GRM7: variants seen among roughly 807,000 people sequenced by gnomAD.
GRM7 encodes metabotropic glutamate receptor 7.
Under a neutral mutation model 84.5 loss-of-function variants are expected in GRM7, and 35 were observed. The ratio of observed to expected loss-of-function variants is 0.41; its 90% CI spans 0.32 to 0.55. The LOEUF (loss-of-function observed/expected upper bound fraction) is 0.55, where lower values mean the gene tolerates loss of function less well. Ranked by LOEUF, GRM7 falls within the 20% of genes least tolerant of loss-of-function variation. The pLI, the probability that GRM7 is intolerant of heterozygous loss-of-function variation, is 0.19. For missense variants in GRM7, 1,003 were observed against 1,194.6 expected (o/e 0.84, Z 2.36); for synonymous variants, 487 against 455.1 (o/e 1.07, Z -0.89).
At chr3:6,883,312 TTC>T (rs1461294396) in intron 1 of GRM7, among the ~76,000 whole-genome samples, 1 of 152,118 alleles carries the variant, frequency 6.6e-6, no homozygotes, top group Non-Finnish European at 1.5e-5. Context: ...AATGTAATTT[TTC>T]TTTTTTAATT....
At chr3:7,077,523 G>A (rs1453477257) in intron 1 of GRM7, among the ~76,000 whole-genome samples, 1 of 134,854 alleles carries the variant, frequency 7.4e-6, no homozygotes, top group Non-Finnish European at 1.5e-5. Context: ...GTTGAACAAT[G>A]AGAACATGTT....
intron 2 of GRM7, among the ~76,000 whole-genome samples, chr3:7,257,890 G>T (rs1346483404): frequency 6.6e-6 from 1 of 152,120 alleles, no homozygotes; most frequent in Non-Finnish European, 1.5e-5. Flanking sequence ...GAACATGGGT[G>T]ATTAGCCTCA....
chr3:7,292,378 G>A (rs910894788), intron 2 of GRM7, among the ~76,000 whole-genome samples: 2 of 152,098 alleles, frequency 1.3e-5, no homozygotes, highest in African/African-American at 4.8e-5. Flanking sequence ...TGGAGTATGT[G>A]AGGACAGATA....
intron 1 of GRM7, among the ~76,000 whole-genome samples, chr3:7,018,899 C>G (rs1695671154): frequency 6.6e-6 from 1 of 152,160 alleles, no homozygotes; most frequent in Admixed American, 6.5e-5. Flanking sequence ...GAGTTCGAGA[C>G]CAGCCTGGCC....
chr3:7,259,953 G>GTTTTGTTTTTTTTT (rs1553638861), intron 2 of GRM7, among the ~76,000 whole-genome samples: 1 of 89,668 alleles, frequency 1.1e-5, no homozygotes, highest in Admixed American at 1.3e-4. Flanking sequence ...ACCAGCATCT[G>GTTTTGTTTTTTTTT]TTTTTTTTTT....
chr3:7,648,836 G>A (rs1010341684), intron 8 of GRM7, among the ~76,000 whole-genome samples: 3 of 152,122 alleles, frequency 2.0e-5, no homozygotes, highest in Non-Finnish European at 2.9e-5. Context: ...AGGACTTGGC[G>A]AAAGTCAGAC....
intron 3 of GRM7, among the ~76,000 whole-genome samples, chr3:7,306,090 C>T (rs931146094): frequency 1.3e-5 from 2 of 152,066 alleles, no homozygotes; most frequent in East Asian, 1.9e-4. Flanking sequence ...ATAGTGTATA[C>T]CATCAGCAGT....
intron 1 of GRM7, among the ~76,000 whole-genome samples, chr3:7,061,957 C>T (rs748287917): frequency 7.9e-5 from 12 of 151,598 alleles, no homozygotes; most frequent in Non-Finnish European, 1.5e-4. Context: ...ATAAAAGGAC[C>T]TTCCAGGAGA....
chr3:6,982,869 T>C (rs1415109887), intron 1 of GRM7, among the ~76,000 whole-genome samples: 4 of 152,214 alleles, frequency 2.6e-5, no homozygotes, highest in South Asian at 4.1e-4. Context: ...AGTTAGTTTA[T>C]TCATTCTCCC....
intron 9 of GRM7, among the ~76,000 whole-genome samples, chr3:7,724,755 AT>A (rs1271412431): frequency 6.6e-6 from 1 of 151,964 alleles, no homozygotes; most frequent in African/African-American, 2.4e-5. Context: ...CCATTCCATT[AT>A]TTTTGTCTTT....
At chr3:7,417,663 G>A (rs566484628) in intron 5 of GRM7, among the ~76,000 whole-genome samples, 1 of 152,078 alleles carries the variant, frequency 6.6e-6, no homozygotes, top group Non-Finnish European at 1.5e-5. Context: ...GTAGAACATA[G>A]CCCCCTTCAC....
chr3:7,735,682 C>T (rs959122987), intron 9 of GRM7, among the ~76,000 whole-genome samples: 3 of 152,138 alleles, frequency 2.0e-5, no homozygotes, highest in South Asian at 2.1e-4. Context: ...TAACATCCCA[C>T]ATAATTATGC....
intron 2 of GRM7, among the ~76,000 whole-genome samples, chr3:7,160,697 C>T (rs113686949): frequency 1.2e-4 from 18 of 152,220 alleles, no homozygotes; most frequent in African/African-American, 4.3e-4. Flanking sequence ...AAGATTAGTT[C>T]AAGTTAAAAA....
chr3:6,927,705 A>T (rs17046378), intron 1 of GRM7, among the ~76,000 whole-genome samples: 3 of 152,162 alleles, frequency 2.0e-5, no homozygotes, highest in African/African-American at 4.8e-5. Flanking sequence ...TAATGTTAAG[A>T]TATGCTGTTT....
intron 2 of GRM7, among the ~76,000 whole-genome samples, chr3:7,159,335 A>G (rs1048765659): frequency 1.3e-5 from 2 of 152,204 alleles, no homozygotes; most frequent in Non-Finnish European, 2.9e-5. Flanking sequence ...CTCAAGATCA[A>G]TTTGCTTTAT....
At chr3:7,672,375 G>GATA (rs1299989924) in intron 8 of GRM7, among the ~76,000 whole-genome samples, 1 of 152,140 alleles carries the variant, frequency 6.6e-6, no homozygotes, top group African/African-American at 2.4e-5. Context: ...ACATCTGTCA[G>GATA]ATAATAATGT....
intron 1 of GRM7, among the ~76,000 whole-genome samples, chr3:6,945,962 C>T (rs1343775342): frequency 6.6e-6 from 1 of 151,988 alleles, no homozygotes; most frequent in Non-Finnish European, 1.5e-5. Context: ...GATATTAGCC[C>T]TTTGTCAGAT....
chr3:7,536,718 G>T (rs905253654), intron 7 of GRM7, among the ~76,000 whole-genome samples: 1 of 152,120 alleles, frequency 6.6e-6, no homozygotes, highest in Non-Finnish European at 1.5e-5. Flanking sequence ...TTGGCCTCCT[G>T]CCCACAGCCT....
chr3:7,246,352 C>G (rs528363652), intron 2 of GRM7, among the ~76,000 whole-genome samples: 8 of 152,250 alleles, frequency 5.3e-5, no homozygotes, highest in African/African-American at 1.7e-4. Flanking sequence ...TGAATGAATT[C>G]TGCACATTGG....
Sources: allele counts gnomAD v4.1 joint callset (sites outside exome capture counted in the v4.1 genomes callset), GRCh38; gene constraint gnomAD v4.1.1; transcripts MANE v1.5; gene names NCBI Gene and HGNC (gene_info 2026-07-23, HGNC 2026-07-21).